PRMT8: variants seen among roughly 807,000 people sequenced by gnomAD.
PRMT8 encodes the protein protein arginine N-methyltransferase 8.
PRMT8 carries 7 observed loss-of-function variants against 47.1 expected under a neutral mutation model. The observed-to-expected ratio is 0.15, with a 90% CI of 0.08 to 0.28. The LOEUF (loss-of-function observed/expected upper bound fraction) is 0.28. PRMT8 is among the 10% of genes least tolerant of loss of function. PRMT8 has a pLI of 1.00. For missense variants in PRMT8, 237 were observed against 505.4 expected, an observed-to-expected ratio of 0.47 and a Z score of 5.09; for synonymous variants, 188 against 186.5, an observed-to-expected ratio of 1.01 and a Z score of -0.07.
At chr12:3,466,184 C>T (rs909331316) in intron 1 of PRMT8, among the ~76,000 whole-genome samples, 1 of 152,212 alleles carries the variant, frequency 6.6e-6, no homozygotes, top group Non-Finnish European at 1.5e-5. Flanking sequence ...TTGAATAAGT[C>T]ACATTTCTTT....
chr12:3,542,982 A>G (rs1866258119), intron 2 of PRMT8, among the ~76,000 whole-genome samples: 1 of 152,246 alleles, frequency 6.6e-6, no homozygotes, highest in Admixed American at 6.5e-5. Flanking sequence ...CCAAATAAAT[A>G]CTAGACCAGT....
intron 3 of PRMT8, chr12:3,553,041 G>T: frequency 4.0e-6 from 1 of 251,708 alleles, no homozygotes; most frequent in South Asian, 4.4e-5. Flanking sequence ...CAAATACCTT[G>T]GCCCTTTGCT....
At chr12:3,495,905 A>G (rs1378019260) in intron 1 of PRMT8, among the ~76,000 whole-genome samples, 2 of 152,254 alleles carry the variant, frequency 1.3e-5, no homozygotes, top group Admixed American at 1.3e-4. Flanking sequence ...AGCCAGTCAA[A>G]TCATGGGTAC....
At position 3,431,589 on chromosome 12, in the gene PRMT8, G is replaced by T. The variant is rs574554584; in HGVS notation, c.48+50147G>T. 2.6e-5 allele frequency among the ~76,000 whole-genome samples: 4 copies of T among 152,228 alleles called. No individual in the cohort carries two copies. The South Asian group carries it at 8.3e-4, about 32-fold the overall frequency. ...GAGGATGAAAAACCACAAGGGAATG[G>T]CATCCCAGAGATCAAGGAAAGATGG... On this transcript the variant is annotated intron_variant, in intron 1 of 9. Coordinates refer to the PRMT8 transcript ENST00000452611.
At position 3,552,715 on chromosome 12, in the gene PRMT8, T is replaced by C. The variant is rs759871395; in HGVS notation, c.418-936T>C. 2 of 471,808 alleles carry C rather than the reference T, an allele frequency of 4.2e-6. No individual in the cohort carries two copies. The highest frequency in any genetic ancestry group is 8.5e-6 in the Non-Finnish European group (2 of 235,134). 29.2% of individuals were successfully genotyped at this position (471,808 alleles called of 1,614,324 possible). A position where few individuals can be genotyped will look rare whatever the true frequency, so the allele number is the denominator to read the frequency against. On this transcript the variant is annotated intron_variant, in intron 3 of 9. Coordinates refer to ENST00000382622, the MANE Select transcript of PRMT8 (RefSeq NM_019854.5). The surrounding 1 kb of genome is among the most constrained non-coding windows in gnomAD (Gnocchi z 4.5). ...TCTGACCCCGTAGGTGCCCTCACCC[T>C]TCCTCAAGGCGTGGCCAGAGGCGTC...
intron 7 of PRMT8, among the ~76,000 whole-genome samples, chr12:3,577,804 C>A (rs1490218168): frequency 1.3e-5 from 2 of 152,138 alleles, no homozygotes; most frequent in African/African-American, 4.8e-5. Flanking sequence ...AACACCTTTG[C>A]CCGAGGCTTC....
rs1258387879 is a variant in PRMT8 at position 3,592,329 on chromosome 12, A to G, written c.1078A>G (p.Met360Val). Residue 360 changes from methionine (M) to valine (V), a missense_variant, in exon 9 of 10, where the codon ATG (methionine) becomes GTG (valine). Met to Val is a conservative substitution (Grantham distance 21, BLOSUM62 1). This residue lies in a region of PRMT8 where 151 missense variants were observed against 341.1 expected (regional missense o/e 0.44). Coordinates refer to ENST00000382622, the MANE Select transcript of PRMT8 (RefSeq NM_019854.5). The part of the protein sequence containing the change: ...RGEEIYGTIS[M>V]KPNAKNVRDL... ...GGAGGAAATCTACGGGACCATATCC[A>G]TGAAGCCAAATGCCAAAAATGTGGT... 6.3e-7 allele frequency: 1 copy of G among 1,599,526 alleles called. No homozygotes were observed. The highest frequency in any genetic ancestry group is 1.1e-5 in the South Asian group (1 of 87,784).
intron 1 of PRMT8, among the ~76,000 whole-genome samples, chr12:3,398,186 A>C (rs190157505): frequency 1.3e-5 from 2 of 152,274 alleles, no homozygotes; most frequent in African/African-American, 4.8e-5. Flanking sequence ...TCATGCTGTG[A>C]GCTGTAGACT....
chr12:3,539,294 A>G (rs1341793102), intron 1 of PRMT8, among the ~76,000 whole-genome samples: 1 of 152,132 alleles, frequency 6.6e-6, no homozygotes, highest in East Asian at 1.9e-4. Flanking sequence ...GAGGAGGAAA[A>G]GCTGAGGCAC....
chr12:3,401,296 CAAT>C (rs1262227765), intron 1 of PRMT8, among the ~76,000 whole-genome samples: 3 of 151,888 alleles, frequency 2.0e-5, no homozygotes, highest in African/African-American at 7.3e-5. Flanking sequence ...TAAAAACTCT[CAAT>C]AAACTAGGTA....
chr12:3,446,548 C>T (rs1304855601), intron 1 of PRMT8, among the ~76,000 whole-genome samples: 1 of 152,194 alleles, frequency 6.6e-6, no homozygotes, highest in African/African-American at 2.4e-5. Flanking sequence ...GGTCTGGGGA[C>T]TTGTCTAGCC....
intron 1 of PRMT8, among the ~76,000 whole-genome samples, chr12:3,428,889 C>T (rs374130330): frequency 1.1e-3 from 160 of 145,006 alleles, no homozygotes; most frequent in African/African-American, 3.7e-3. Context: ...TTACTCTCTC[C>T]GCCTGTCTCT....
chr12:3,545,478 A>C (rs1866311303), intron 2 of PRMT8, among the ~76,000 whole-genome samples: 2 of 152,200 alleles, frequency 1.3e-5, no homozygotes, highest in Middle Eastern at 3.2e-3. Flanking sequence ...CACCTTATTC[A>C]ACTTCTAATA....
chr12:3,383,458 T>C (rs567222118), intron 1 of PRMT8, among the ~76,000 whole-genome samples: 1 of 152,244 alleles, frequency 6.6e-6, no homozygotes. Context: ...AAAATTCATA[T>C]GTAGTGGTAT....
intron 1 of PRMT8, among the ~76,000 whole-genome samples, chr12:3,457,795 A>ATCT (rs1406658851): frequency 1.4e-5 from 2 of 147,344 alleles, no homozygotes; most frequent in African/African-American, 2.5e-5. Flanking sequence ...GCAACCCCCC[A>ATCT]TCTGGATTTG....
intron 1 of PRMT8, among the ~76,000 whole-genome samples, chr12:3,457,858 TTTTTTTTTA>T (rs1476021077): frequency 1.5e-5 from 1 of 66,540 alleles, no homozygotes; most frequent in Non-Finnish European, 3.7e-5. Context: ...TTTTTTTTTT[TTTTTTTTTA>T]AGACAGCGTT....
rs1168384218 is a variant in PRMT8, at chr12:3,580,358, G to GTT, written c.829-2699_829-2698insTT. 6.6e-6 allele frequency among the ~76,000 whole-genome samples: 1 copy of GTT among 151,782 alleles called. No homozygotes were observed. Among genetic ancestry groups the GTT allele is most frequent in the African/African-American group, 2.4e-5 (1 of 41,274 alleles). On this transcript the variant is annotated intron_variant, in intron 7 of 9. Coordinates refer to ENST00000382622, the MANE Select transcript of PRMT8 (RefSeq NM_019854.5). The surrounding 1 kb of genome is among the most constrained non-coding windows in gnomAD (Gnocchi z 4.6). ...TGTGCGTGTGTGTGTGTGTGTGTGT[G>GTT]TGTGTGTGTACGCGTGCGCATGCGG...
chr12:3,519,103 C>A (rs1448660929), intron 1 of PRMT8, among the ~76,000 whole-genome samples: 2 of 152,134 alleles, frequency 1.3e-5, no homozygotes, highest in African/African-American at 4.8e-5. Context: ...AAATCTTTGT[C>A]ATTTTGGCAG....
intron 4 of PRMT8, among the ~76,000 whole-genome samples, chr12:3,559,523 A>G (rs1406916738): frequency 1.3e-5 from 2 of 152,240 alleles, no homozygotes; most frequent in East Asian, 3.8e-4. Context: ...GTAGGAGCTC[A>G]CATGATACTT....
Sources: allele counts gnomAD v4.1 joint callset (sites outside exome capture counted in the v4.1 genomes callset), GRCh38; gene constraint gnomAD v4.1.1; regional missense constraint gnomAD v4.1.1; non-coding constraint Gnocchi (gnomAD v3.1); transcripts MANE v1.5; gene names NCBI Gene and HGNC (gene_info 2026-07-23, HGNC 2026-07-21).